The following BASP1 variants were observed in gnomAD, a reference collection of about 807,000 sequenced individuals.
BASP1 encodes brain abundant membrane attached signal protein 1.
In BASP1, 1 loss-of-function variant was observed where a neutral mutation model predicts 2.2. The observed-to-expected ratio is 0.46, with a 90% CI of 0.16 to 2.17. The LOEUF (loss-of-function observed/expected upper bound fraction) is 2.17. Ranked by LOEUF, BASP1 falls within the 30% of genes most tolerant of loss-of-function variation. The pLI, the probability that BASP1 is intolerant of heterozygous loss-of-function variation, is 0.27. For missense variants in BASP1, 352 were observed against 327.2 expected (o/e 1.08, Z -0.58); for synonymous variants, 187 against 154.2 (o/e 1.21, Z -1.58).
At chr5:17,239,544 G>A (rs1739819982) in intron 1 of BASP1, among the ~76,000 whole-genome samples, 1 of 152,260 alleles carries the variant, frequency 6.6e-6, no homozygotes, top group Non-Finnish European at 1.5e-5. Context: ...GGTTATAACC[G>A]TTGACCCCAC....
chr5:17,238,908 G>T (rs545480106), intron 1 of BASP1, among the ~76,000 whole-genome samples: 1 of 152,242 alleles, frequency 6.6e-6, no homozygotes, highest in South Asian at 2.1e-4. Context: ...TTCCCTTCAA[G>T]AGGACTTCCC....
At chr5:17,232,601 T>C (rs975288964) in intron 1 of BASP1, among the ~76,000 whole-genome samples, 1 of 152,250 alleles carries the variant, frequency 6.6e-6, no homozygotes, top group Non-Finnish European at 1.5e-5. Flanking sequence ...GCATGTTTCA[T>C]GGTCATGTGA....
chr5:17,233,273 A>G (rs1397332739), intron 1 of BASP1, among the ~76,000 whole-genome samples: 1 of 152,218 alleles, frequency 6.6e-6, no homozygotes, highest in Non-Finnish European at 1.5e-5. Context: ...AATCTATGCC[A>G]TAAACACTTG....
intron 1 of BASP1, among the ~76,000 whole-genome samples, chr5:17,242,149 A>G (rs1480103985): frequency 6.6e-6 from 1 of 152,114 alleles, no homozygotes; most frequent in African/African-American, 2.4e-5. Context: ...TGCACCATTA[A>G]TAGTTTTAGC....
chr5:17,266,994 C>T (rs1013220608), intron 1 of BASP1, among the ~76,000 whole-genome samples: 4 of 152,180 alleles, frequency 2.6e-5, no homozygotes, highest in Non-Finnish European at 2.9e-5. Context: ...ACTTTTCCCA[C>T]TTTATTTTTC....
At chr5:17,269,338 T>C (rs1405146573) in intron 1 of BASP1, among the ~76,000 whole-genome samples, 1 of 152,226 alleles carries the variant, frequency 6.6e-6, no homozygotes, top group Non-Finnish European at 1.5e-5. Context: ...GAAGTGAGAC[T>C]CAGAAGGTGA....
chr5:17,231,341 C>G (rs1048838460), intron 1 of BASP1, among the ~76,000 whole-genome samples: 1 of 152,100 alleles, frequency 6.6e-6, no homozygotes, highest in Non-Finnish European at 1.5e-5. Context: ...CCATTTCCCT[C>G]TACTTGAAGC....
chr5:17,217,544 C>T (rs1235693775), upstream of BASP1: 7 of 49,428 alleles, frequency 1.4e-4, no homozygotes, highest in South Asian at 1.9e-3. Flanking sequence ...GCTGGGCGGG[C>T]GGACGCGCGG....
chr5:17,244,438 GT>G (rs1739936128), intron 1 of BASP1, among the ~76,000 whole-genome samples: 1 of 152,168 alleles, frequency 6.6e-6, no homozygotes, highest in Non-Finnish European at 1.5e-5. Flanking sequence ...CTAGGTTCTA[GT>G]TAGTAAACTC....
At chr5:17,243,745 C>T (rs917575685) in intron 1 of BASP1, among the ~76,000 whole-genome samples, 3 of 152,194 alleles carry the variant, frequency 2.0e-5, no homozygotes, top group Admixed American at 1.3e-4. Context: ...ATGTGTGACT[C>T]TCACCATTTC....
chr5:17,264,549 G>A (rs554709957), intron 1 of BASP1, among the ~76,000 whole-genome samples: 1 of 152,318 alleles, frequency 6.6e-6, no homozygotes, highest in Admixed American at 6.5e-5. Context: ...GCCACACATT[G>A]AACTTTGTCT....
intron 1 of BASP1, among the ~76,000 whole-genome samples, chr5:17,232,345 G>A (rs1456569261): frequency 1.3e-5 from 2 of 152,202 alleles, no homozygotes; most frequent in Non-Finnish European, 2.9e-5. Context: ...ATGCATTTTA[G>A]TAACAGCCTT....
chr5:17,273,298 C>T (rs1443515063), intron 1 of BASP1, among the ~76,000 whole-genome samples: 3 of 151,684 alleles, frequency 2.0e-5, no homozygotes, highest in Admixed American at 2.0e-4. Context: ...GTATTTTTTG[C>T]CATGTATGTT....
At position 17,261,625 on chromosome 5, in the gene BASP1, C is replaced by T. The variant is rs563318611; in HGVS notation, c.-9-13583C>T. 1.2e-4 allele frequency among the ~76,000 whole-genome samples: 19 copies of T among 152,282 alleles called. No individual in the cohort carries two copies. In the East Asian group the frequency reaches 2.3e-3, roughly 19 times the overall value. ...TCTCATTGGCTTCTCTCCCCCCCAC[C>T]GTCTGCATAACAAAGTGTTCCACTT... On this transcript the variant is annotated intron_variant, in intron 1 of 1. Coordinates refer to ENST00000322611, the MANE Select transcript of BASP1 (RefSeq NM_006317.5).
In BASP1 at chr5:17,276,728, G is replaced by GAAA. The variant is rs1314210550; in HGVS notation, c.*836_*838dup. 48 of 58,978 alleles carry GAAA rather than the reference G, an allele frequency of 8.1e-4. No homozygotes were observed. Among genetic ancestry groups the GAAA allele is most frequent in the African/African-American group, 7.0e-4 (10 of 14,254 alleles). The allele number at this position is 58,978 out of a possible 1,614,324, so 3.7% of individuals were successfully genotyped here. A position where few individuals can be genotyped will look rare whatever the true frequency, so the allele number is the denominator to read the frequency against. On this transcript the variant is annotated 3_prime_UTR_variant, in exon 2 of 2. Coordinates refer to ENST00000322611, the MANE Select transcript of BASP1 (RefSeq NM_006317.5). ...CCAACACACCACTCATTGGAAAATG[G>GAAA]AAAAAAAAAACAAAAAAAAAACAAA...
At position 17,245,828 on chromosome 5, in the gene BASP1, G is replaced by A. The variant is rs114667781; in HGVS notation, c.-10+28018G>A. 8.6e-3 allele frequency among the ~76,000 whole-genome samples: 1,310 copies of A among 152,228 alleles called. 22 individuals are homozygous for A. The highest frequency in any genetic ancestry group is 0.03 in the African/African-American group (1,259 of 41,530). On this transcript the variant is annotated intron_variant, in intron 1 of 1. Coordinates refer to ENST00000322611, the MANE Select transcript of BASP1 (RefSeq NM_006317.5). ...TAAATACATTGCTCAGGATAACTCA[G>A]GGGGTAGCAGAAGCCCTGGGATTCA...
Position 17,260,499 on chromosome 5 carries a change from G to A in BASP1, c.-9-14709G>A, listed in dbSNP as rs914511938. 2.6e-5 allele frequency among the ~76,000 whole-genome samples: 4 copies of A among 152,138 alleles called. No homozygotes were observed. Among genetic ancestry groups the A allele is most frequent in the South Asian group, 2.1e-4 (1 of 4,826 alleles). ...GGTCTTTAATTATGTGCTGAGTCCC[G>A]GTGGCAGAGAGTTTGTGATCATGGA... On this transcript the variant is annotated intron_variant, in intron 1 of 1. Coordinates refer to ENST00000322611, the MANE Select transcript of BASP1 (RefSeq NM_006317.5). This position sits in a 1 kb window ranked among gnomAD's most constrained non-coding sequence, Gnocchi z 4.2.
chr5:17,235,287 G>A (rs889879139), intron 1 of BASP1, among the ~76,000 whole-genome samples: 3 of 149,112 alleles, frequency 2.0e-5, no homozygotes, highest in African/African-American at 7.5e-5. Context: ...TTGAGACTGA[G>A]TCTCACTCTG....
intron 1 of BASP1, among the ~76,000 whole-genome samples, chr5:17,264,883 G>A (rs1175515447): frequency 2.0e-5 from 3 of 152,132 alleles, no homozygotes; most frequent in Admixed American, 2.0e-4. Flanking sequence ...TAGGGCCTTT[G>A]TATGATTCAA....
Sources: allele counts gnomAD v4.1 joint callset (sites outside exome capture counted in the v4.1 genomes callset), GRCh38; gene constraint gnomAD v4.1.1; non-coding constraint Gnocchi (gnomAD v3.1); transcripts MANE v1.5; gene names NCBI Gene and HGNC (gene_info 2026-07-23, HGNC 2026-07-21).